PLBD2: variants seen among roughly 807,000 people sequenced by gnomAD.
PLBD2 encodes putative aminopeptidase PLBD2.
Under a neutral mutation model 68.3 loss-of-function variants are expected in PLBD2, and 51 were observed. The observed-to-expected ratio is 0.75, with a 90% CI of 0.60 to 0.94. The LOEUF (loss-of-function observed/expected upper bound fraction) is 0.94. PLBD2 is among the 40% of genes least tolerant of loss of function. The probability of loss-of-function intolerance (pLI) is 0.00; values close to 1 mark genes in which losing one functional copy is unlikely to be tolerated. For missense variants in PLBD2, 729 were observed against 792.2 expected (o/e 0.92, Z 0.96); for synonymous variants, 314 against 339.3 (o/e 0.93, Z 0.82).
chr12:113,375,312 A>G (rs1957431015), intron 5 of PLBD2: 4 of 388,240 alleles, frequency 1.0e-5, no homozygotes, highest in African/African-American at 8.2e-5. Context: ...CACTCAGCTA[A>G]TTTGTTTATT....
intron 1 of PLBD2, among the ~76,000 whole-genome samples, chr12:113,368,904 A>G (rs1957363908): frequency 6.6e-6 from 1 of 152,200 alleles, no homozygotes; most frequent in Non-Finnish European, 1.5e-5. Context: ...GCTGTTTGTC[A>G]ATATCTATGA....
chr12:113,358,702 C>A lies in PLBD2; in HGVS notation c.102C>A (p.Phe34Leu). ...ALVLALLVGP[F>L]LSGLAGAIPA... ...TGCTGGCCCTGCTGGTCGGGCCGTTCCTGAGCGGCCTGGCGGGGGCGATCC... is the reference window on the plus strand; with the variant it reads ...TGCTGGCCCTGCTGGTCGGGCCGTTACTGAGCGGCCTGGCGGGGGCGATCC... Residue 34 changes from phenylalanine (F) to leucine (L), a missense_variant, in exon 1 of 12, where the codon TTC (phenylalanine) becomes TTA (leucine). By Grantham distance (22) the Phe-to-Leu change is conservative. Coordinates refer to ENST00000280800, the MANE Select transcript of PLBD2 (RefSeq NM_173542.4). The A allele has an allele frequency of 7.1e-7, 1 of 1,406,900 alleles. No individual in the cohort carries two copies. The highest frequency in any genetic ancestry group is 1.6e-5 in the South Asian group (1 of 63,082). 87.2% of individuals were successfully genotyped at this position (1,406,900 alleles called of 1,614,324 possible).
Position 113,384,730 on chromosome 12 carries a change from A to C in PLBD2, c.1119-121A>C. 1.4e-6 allele frequency: 1 copy of C among 733,612 alleles called. No individual in the cohort carries two copies. The highest frequency in any genetic ancestry group is 1.7e-5 in the South Asian group (1 of 59,080). The allele number at this position is 733,612 out of a possible 1,614,324, so 45.4% of individuals were successfully genotyped here. On this transcript the variant is annotated intron_variant, in intron 7 of 11. Transcript: ENST00000280800. This position sits in a 1 kb window ranked among gnomAD's most constrained non-coding sequence, Gnocchi z 4.2. ...GCTGCAGCGTCAGGGTGTCAGTTGA[A>C]TGGCTGGACAACCCCAGGCCCACTT... is the stretch of plus-strand genomic sequence containing the variant.
chr12:113,380,966 A>T (rs998380237), intron 6 of PLBD2, 124 bp downstream of exon 6: 3 of 914,142 alleles, frequency 3.3e-6, no homozygotes, highest in Non-Finnish European at 3.4e-6. Flanking sequence ...GGTGCCATGT[A>T]GGAGCCAGGG....
intron 5 of PLBD2, among the ~76,000 whole-genome samples, chr12:113,376,625 T>C (rs1488756682): frequency 6.6e-6 from 1 of 152,174 alleles, no homozygotes; most frequent in East Asian, 1.9e-4. Flanking sequence ...AACAACCAAT[T>C]GCAAGGATTG....
At chr12:113,375,099 C>G in intron 5 of PLBD2, 92 bp downstream of exon 5, 1 of 1,169,124 alleles carries the variant, frequency 8.6e-7, no homozygotes, top group South Asian at 1.3e-5. Context: ...TGGAAACCCT[C>G]CCAACACACG....
At chr12:113,364,312 G>A (rs886270120) in intron 1 of PLBD2, among the ~76,000 whole-genome samples, 2 of 152,196 alleles carry the variant, frequency 1.3e-5, no homozygotes, top group Admixed American at 6.6e-5. Context: ...TGGGGCTCGC[G>A]GCTGCACAGC....
At chr12:113,370,537 C>T (rs768399142) in intron 2 of PLBD2, among the ~76,000 whole-genome samples, 4 of 131,562 alleles carry the variant, frequency 3.0e-5, no homozygotes, top group Non-Finnish European at 4.6e-5. Flanking sequence ...AGTACAGTGG[C>T]GTGATCTTGG....
intron 1 of PLBD2, among the ~76,000 whole-genome samples, chr12:113,367,420 C>G (rs1355338206): frequency 6.6e-6 from 1 of 152,092 alleles, no homozygotes; most frequent in Non-Finnish European, 1.5e-5. Context: ...GCTATGGTTC[C>G]AGGACTGGCA....
intron 1 of PLBD2, among the ~76,000 whole-genome samples, chr12:113,361,922 TAAC>T (rs879759653): frequency 9.2e-5 from 14 of 152,098 alleles, no homozygotes; most frequent in Non-Finnish European, 1.3e-4. Context: ...TAGAGGGAAT[TAAC>T]AAATTTAGTA....
intron 9 of PLBD2, 71 bp from the exon 10 acceptor site, chr12:113,386,866 C>T (rs1001744645): frequency 1.9e-6 from 3 of 1,563,290 alleles, no homozygotes; most frequent in African/African-American, 2.8e-5. Flanking sequence ...ACTGCCCCTC[C>T]CCTCCCTGGC....
At chr12:113,371,399 G>A (rs1412596524) in intron 2 of PLBD2, among the ~76,000 whole-genome samples, 1 of 152,226 alleles carries the variant, frequency 6.6e-6, no homozygotes, top group African/African-American at 2.4e-5. Flanking sequence ...GGAGGCGAGG[G>A]GGAAAGAGCA....
In PLBD2 at chr12:113,387,981, T is replaced by C. The variant is rs1336779458; in HGVS notation, c.1602+75T>C. 14 of 1,549,958 alleles carry C rather than the reference T, an allele frequency of 9.0e-6. No homozygotes were observed. The African/African-American group carries it at 1.5e-4, about 17-fold the overall frequency. On this transcript the variant is annotated intron_variant, in intron 11 of 11. Transcript: ENST00000280800. ...CACCAGCTTTGGGGAAGGGACAGGTTGGGGCAAAGCTGATGGCGGGGCAGG... is the reference window on the plus strand; with the variant it reads ...CACCAGCTTTGGGGAAGGGACAGGTCGGGGCAAAGCTGATGGCGGGGCAGG...
Position 113,384,675 on chromosome 12 carries a change from C to T in PLBD2, c.1119-176C>T, listed in dbSNP as rs911748530. Reference sequence around the variant, plus strand: ...ATTCTGGAACAGTCAAGCAGCATGACGAGAGAGGGGTTTGTGGATACCTGG... The same window carrying T: ...ATTCTGGAACAGTCAAGCAGCATGATGAGAGAGGGGTTTGTGGATACCTGG... On this transcript the variant is annotated intron_variant, in intron 7 of 11. Coordinates refer to ENST00000280800, the MANE Select transcript of PLBD2 (RefSeq NM_173542.4). The surrounding 1 kb of genome is among the most constrained non-coding windows in gnomAD (Gnocchi z 4.2). Among the ~76,000 whole-genome samples, 22 of 152,118 alleles carry T rather than the reference C, an allele frequency of 1.4e-4. No individual in the cohort carries two copies. The highest frequency in any genetic ancestry group is 4.6e-4 in the African/African-American group (19 of 41,422).
intron 5 of PLBD2, among the ~76,000 whole-genome samples, chr12:113,379,506 C>T (rs1411665112): frequency 1.3e-5 from 2 of 152,094 alleles, no homozygotes; most frequent in East Asian, 3.9e-4. Context: ...TGCCCCCATG[C>T]AGGGCGGGTA....
At chr12:113,381,031 C>T (rs963840152) in intron 6 of PLBD2, among the ~76,000 whole-genome samples, 189 bp downstream of exon 6, 5 of 152,094 alleles carry the variant, frequency 3.3e-5, no homozygotes, top group Non-Finnish European at 5.9e-5. Context: ...AGCCCAGACT[C>T]GCCCTTCCCC....
intron 1 of PLBD2, among the ~76,000 whole-genome samples, chr12:113,362,072 G>A (rs1448518920): frequency 1.3e-5 from 2 of 152,158 alleles, no homozygotes; most frequent in South Asian, 2.1e-4. Context: ...GAGGACAGGC[G>A]CTGTAGCTCA....
In PLBD2 at chr12:113,358,629, G is replaced by T; in HGVS notation, c.29G>T (p.Gly10Val). MVGQMYCYP[G>V]SHLARALTRA... ...GTGGGCCAGATGTACTGCTACCCCG[G>T]CAGCCACCTGGCCCGGGCGCTGACG... Residue 10 changes from glycine to valine, a missense_variant, in exon 1 of 12, where the codon GGC becomes GTC. Physicochemically the swap from Gly to Val is moderately radical, Grantham distance 109 (BLOSUM62 -3). Coordinates refer to ENST00000280800, the MANE Select transcript of PLBD2 (RefSeq NM_173542.4). The T allele has an allele frequency of 6.8e-7, 1 of 1,467,652 alleles. No homozygotes were observed. The allele number at this position is 1,467,652 out of a possible 1,614,324, so 90.9% of individuals were successfully genotyped here.
intron 6 of PLBD2, among the ~76,000 whole-genome samples, chr12:113,383,443 G>GTTTCTA (rs1171346076): frequency 3.2e-4 from 49 of 151,846 alleles, no homozygotes; most frequent in African/African-American, 1.1e-3. Context: ...CTGGATATGA[G>GTTTCTA]TTTTTATTTT....
Sources: allele counts gnomAD v4.1 joint callset (sites outside exome capture counted in the v4.1 genomes callset), GRCh38; gene constraint gnomAD v4.1.1; non-coding constraint Gnocchi (gnomAD v3.1); transcripts MANE v1.5; gene names NCBI Gene and HGNC (gene_info 2026-07-23, HGNC 2026-07-21).